DGKD: variants seen among roughly 807,000 people sequenced by gnomAD.
DGKD encodes diacylglycerol kinase delta.
In DGKD, 68 loss-of-function variants were observed where a neutral mutation model predicts 154.4. The observed-to-expected ratio is 0.44, with a 90% CI of 0.36 to 0.54. The LOEUF (loss-of-function observed/expected upper bound fraction) is 0.54, where lower values mean the gene tolerates loss of function less well. Among genes scored for constraint, DGKD ranks in the 20% least tolerant of loss-of-function variants. The pLI is 0.00. For synonymous variants in DGKD, 693 were observed against 638.0 expected, an observed-to-expected ratio of 1.09 and a Z score of -1.30; for missense variants, 1,343 against 1,593.6, an observed-to-expected ratio of 0.84 and a Z score of 2.68.
chr2:233,398,775 C>T (rs1303790271), intron 3 of DGKD, among the ~76,000 whole-genome samples: 1 of 152,166 alleles, frequency 6.6e-6, no homozygotes, highest in Non-Finnish European at 1.5e-5. Context: ...CAGGCTCCCG[C>T]CACCACACCC....
chr2:233,444,394 G>A (rs1306450283), intron 10 of DGKD, among the ~76,000 whole-genome samples: 2 of 151,872 alleles, frequency 1.3e-5, no homozygotes, highest in African/African-American at 4.8e-5. Flanking sequence ...CCCCAAGCAC[G>A]ATGCTTCTGG....
chr2:233,430,100 G>A (rs1285765526), intron 3 of DGKD, among the ~76,000 whole-genome samples: 2 of 152,164 alleles, frequency 1.3e-5, no homozygotes, highest in African/African-American at 4.8e-5. Context: ...GAATCCATGG[G>A]GAAGCAAGCA....
intron 27 of DGKD, 105 bp from the exon 28 acceptor site, chr2:233,466,981 G>T (rs988004622): frequency 4.7e-6 from 4 of 842,536 alleles, no homozygotes; most frequent in Non-Finnish European, 6.1e-6. Flanking sequence ...CCCAGCTCCC[G>T]CTCATCTCAG....
At chr2:233,362,657 GAAAA>G (rs757428317) in intron 1 of DGKD, among the ~76,000 whole-genome samples, 1 of 151,712 alleles carries the variant, frequency 6.6e-6, no homozygotes, top group Non-Finnish European at 1.5e-5. Context: ...GTATTAAATA[GAAAA>G]AAAAGAAAGA....
At chr2:233,407,417 T>C (rs2125502238) in intron 3 of DGKD, among the ~76,000 whole-genome samples, 1 of 152,288 alleles carries the variant, frequency 6.6e-6, no homozygotes, top group South Asian at 2.1e-4. Context: ...TAAGATGCCT[T>C]TAATTGGTAG....
intron 3 of DGKD, among the ~76,000 whole-genome samples, chr2:233,431,808 A>G (rs954429514): frequency 1.3e-5 from 2 of 152,236 alleles, no homozygotes; most frequent in African/African-American, 4.8e-5. Context: ...TTATTGCCAT[A>G]TGCAAATATC....
At chr2:233,427,862 C>T (rs2062364851) in intron 3 of DGKD, among the ~76,000 whole-genome samples, 1 of 152,192 alleles carries the variant, frequency 6.6e-6, no homozygotes, top group Non-Finnish European at 1.5e-5. Context: ...TAGGGATGCT[C>T]TTAGTATTCC....
chr2:233,388,651 C>G (rs781703072), intron 2 of DGKD: 1 of 260,260 alleles, frequency 3.8e-6, no homozygotes, highest in Non-Finnish European at 7.2e-6. Flanking sequence ...CTGGATATCT[C>G]TCTCTCAGAA....
intron 18 of DGKD, among the ~76,000 whole-genome samples, chr2:233,454,125 C>T (rs531535584): frequency 4.6e-5 from 7 of 152,246 alleles, no homozygotes; most frequent in South Asian, 4.2e-4. Flanking sequence ...GACCAGCAGG[C>T]GCAGAACTGC....
intron 1 of DGKD, among the ~76,000 whole-genome samples, chr2:233,365,067 GA>G (rs1701956300): frequency 6.6e-6 from 1 of 152,106 alleles, no homozygotes; most frequent in African/African-American, 2.4e-5. Flanking sequence ...TTAAAATTTG[GA>G]AGTAATGACT....
chr2:233,449,717 C>G lies in DGKD; in HGVS notation c.1889-265C>G, dbSNP rs1214518221. Among the ~76,000 whole-genome samples, 1 of 152,220 alleles carries G rather than the reference C, an allele frequency of 6.6e-6. No individual in the cohort carries two copies. The highest frequency in any genetic ancestry group is 1.5e-5 in the Non-Finnish European group (1 of 68,044). ...AGCCGCTCCTCCCGCTTGCAGCCCTCCAGCCTGCGCCAGGCTCCTCTGCAT... is the reference window on the plus strand; with the variant it reads ...AGCCGCTCCTCCCGCTTGCAGCCCTGCAGCCTGCGCCAGGCTCCTCTGCAT... On this transcript the variant is annotated intron_variant, in intron 15 of 29. Transcript: ENST00000264057. The surrounding 1 kb of genome is among the most constrained non-coding windows in gnomAD (Gnocchi z 5.3).
intron 7 of DGKD, 73 bp downstream of exon 7, chr2:233,436,514 T>A: frequency 6.5e-7 from 1 of 1,538,482 alleles, no homozygotes; most frequent in South Asian, 1.2e-5. Context: ...GCCTTGCGGC[T>A]CCGCATGATC....
rs902959057 is a variant in DGKD, at chr2:233,445,841, G to C, written c.1334+79G>C. 3 of 1,456,842 alleles carry C rather than the reference G, an allele frequency of 2.1e-6. No homozygotes were observed. The highest frequency in any genetic ancestry group is 1.4e-5 in the African/African-American group (1 of 69,806). 90.2% of individuals were successfully genotyped at this position (1,456,842 alleles called of 1,614,324 possible). Reference sequence around the variant, plus strand: ...CTTTGACCAGGTGTTCTTAACCTGGGGTCTGTGGAAAACATGGGCCCTCTG... The same window carrying C: ...CTTTGACCAGGTGTTCTTAACCTGGCGTCTGTGGAAAACATGGGCCCTCTG... On this transcript the variant is annotated intron_variant, in intron 11 of 29. Transcript: ENST00000264057. This position sits in a 1 kb window ranked among gnomAD's most constrained non-coding sequence, Gnocchi z 5.5.
chr2:233,368,419 G>A (rs1480540322), intron 1 of DGKD, among the ~76,000 whole-genome samples: 1 of 152,110 alleles, frequency 6.6e-6, no homozygotes, highest in Non-Finnish European at 1.5e-5. Flanking sequence ...GGCCGAGGCA[G>A]GAGAATCGCA....
chr2:233,426,812 C>G (rs995732249), intron 3 of DGKD, among the ~76,000 whole-genome samples: 11 of 152,174 alleles, frequency 7.2e-5, no homozygotes, highest in African/African-American at 2.4e-4. Flanking sequence ...GAAGTAGTTG[C>G]ACCAAATTGC....
At chr2:233,385,790 T>C (rs543822269) in intron 1 of DGKD, among the ~76,000 whole-genome samples, 1 of 152,372 alleles carries the variant, frequency 6.6e-6, no homozygotes, top group African/African-American at 2.4e-5. Context: ...ATATCTATAG[T>C]ACTCACAAGC....
intron 19 of DGKD, among the ~76,000 whole-genome samples, chr2:233,455,308 A>G (rs1478347713): frequency 6.6e-6 from 1 of 152,186 alleles, no homozygotes; most frequent in African/African-American, 2.4e-5. Flanking sequence ...CTTGAGTCCA[A>G]CCTCTGCAGG....
At chr2:233,435,709 G>C in intron 5 of DGKD, 109 bp from the exon 6 acceptor site, 1 of 960,368 alleles carries the variant, frequency 1.0e-6, no homozygotes, top group South Asian at 1.8e-5. Context: ...AGTGCCATTG[G>C]TTCCTTCCTT....
chr2:233,438,742 TCTGTCTATCTATCATCTATCTATC>T lies in DGKD; in HGVS notation c.1085+364_1085+387del, dbSNP rs1559549478. Among the ~76,000 whole-genome samples, 17 of 137,498 alleles carry T rather than the reference TCTGTCTATCTATCATCTATCTATC, an allele frequency of 1.2e-4. No individual in the cohort carries two copies. The highest frequency in any genetic ancestry group is 3.7e-4 in the African/African-American group (14 of 37,594). The allele number at this position is 137,498 out of a possible 152,430, so 90.2% of individuals were successfully genotyped here. A position where few individuals can be genotyped will look rare whatever the true frequency, so the allele number is the denominator to read the frequency against. On this transcript the variant is annotated intron_variant, in intron 9 of 29. Transcript: ENST00000264057. This position sits in a 1 kb window ranked among gnomAD's most constrained non-coding sequence, Gnocchi z 4.1. ...CTTTCATTTTATAATTTTTTATTTA[TCTGTCTATCTATCATCTATCTATC>T]TATCTATCTATCTATCTATCTATCT...
Sources: gnomAD v4.1 joint callset for allele counts (sites outside exome capture counted in the v4.1 genomes callset) on GRCh38, gnomAD v4.1.1 for gene constraint, Gnocchi (gnomAD v3.1) non-coding constraint, MANE v1.5 for transcripts, NCBI Gene and HGNC (gene_info 2026-07-23, HGNC 2026-07-21) for gene names.